The following ERVH48-1 variants were observed in gnomAD, a reference collection of about 807,000 sequenced individuals.
ERVH48-1 encodes endogenous retrovirus group 48 member 1, envelope.
In ERVH48-1, 4 loss-of-function variants were observed where a neutral mutation model predicts 2.4. The ratio of observed to expected loss-of-function variants is 1.68; its 90% confidence interval spans 0.83 to 3.84. The LOEUF (loss-of-function observed/expected upper bound fraction) is 3.84. ERVH48-1 is among the 30% of genes most tolerant of loss of function. The probability of loss-of-function intolerance (pLI) is 0.01; values close to 1 mark genes in which losing one functional copy is unlikely to be tolerated. For synonymous variants in ERVH48-1, 32 were observed against 15.5 expected, an observed-to-expected ratio of 2.06 and a Z score of -2.49; for missense variants, 97 against 43.4, an observed-to-expected ratio of 2.23 and a Z score of -3.47.
Position 42,919,974 on chromosome 21 carries a change from T to C in ERVH48-1, c.-285-683A>G, listed in dbSNP as rs59097732. On this transcript the variant is annotated intron_variant, in intron 1 of 1. Coordinates refer to ENST00000447535, the MANE Select transcript of ERVH48-1 (RefSeq NM_001308491.2). ...GGCCAGAGGGAACCCTGGGGTGACA[T>C]TGAGTGGCAGATAGAGCAGGACTGG... Among the ~76,000 whole-genome samples the C allele has an allele frequency of 2.4e-3, 368 of 152,100 alleles. 1 individual carries two copies. The highest frequency in any genetic ancestry group is 7.9e-3 in the African/African-American group (328 of 41,468).
chr21:42,925,320 G>A, intron 1 of ERVH48-1, 26 bp downstream of exon 1: 1 of 400,792 alleles, frequency 2.5e-6, no homozygotes, highest in Non-Finnish European at 4.6e-6. Flanking sequence ...ATTTTTCCCT[G>A]TTAACCGGGC....
rs117007625 is a variant in ERVH48-1 at position 42,925,566 on chromosome 21, G to C, written c.-506C>G. On this transcript the variant is annotated 5_prime_UTR_variant, in exon 1 of 2. Transcript: ENST00000447535. ...GCCAACAGACAACACGAGGCGGTGT[G>C]GAGCAACACACTGTTTTAATAAGCA... 449 of 262,354 alleles carry C rather than the reference G, an allele frequency of 1.7e-3. 8 individuals are homozygous for C. In the East Asian group the frequency reaches 0.052, roughly 30 times the overall value. 16.3% of individuals were successfully genotyped at this position (262,354 alleles called of 1,614,324 possible). A position where few individuals can be genotyped will look rare whatever the true frequency, so the allele number is the denominator to read the frequency against.
At chr21:42,922,464 G>A (rs2058808648) in intron 1 of ERVH48-1, among the ~76,000 whole-genome samples, 1 of 151,974 alleles carries the variant, frequency 6.6e-6, no homozygotes, top group African/African-American at 2.4e-5. Flanking sequence ...AGGAAGGCCG[G>A]GCGCGGTGGC....
chr21:42,917,557 T>TA lies in ERVH48-1; in HGVS notation c.*966dup, dbSNP rs1367516713. On this transcript the variant is annotated 3_prime_UTR_variant, in exon 2 of 2. Transcript: ENST00000447535. Reference sequence around the variant, plus strand: ...AGACAGCAATTGGAGATGTTAAACTTACCACAGCCCGCACCCTCTTCTGCT... The same window carrying TA: ...AGACAGCAATTGGAGATGTTAAACTTAACCACAGCCCGCACCCTCTTCTGCT... 1 of 152,174 alleles carries TA rather than the reference T, an allele frequency of 6.6e-6. No homozygotes were observed. Among genetic ancestry groups the TA allele is most frequent in the Non-Finnish European group, 1.5e-5 (1 of 68,038 alleles). 9.4% of individuals were successfully genotyped at this position (152,174 alleles called of 1,614,324 possible).
chr21:42,919,741 T>G (rs775408687), intron 1 of ERVH48-1, among the ~76,000 whole-genome samples: 18 of 152,190 alleles, frequency 1.2e-4, no homozygotes, highest in Non-Finnish European at 2.2e-4. Flanking sequence ...GTTGGGAGTC[T>G]GAAACAGGGA....
In ERVH48-1 at chr21:42,920,966, T is replaced by C. The variant is rs374037547; in HGVS notation, c.-285-1675A>G. Among the ~76,000 whole-genome samples, 13 of 152,254 alleles carry C rather than the reference T, an allele frequency of 8.5e-5. No individual in the cohort carries two copies. In the East Asian group the frequency reaches 2.1e-3, roughly 25 times the overall value. On this transcript the variant is annotated intron_variant, in intron 1 of 1. Transcript: ENST00000447535. The stretch of plus-strand genomic sequence containing the variant: ...CTTAGTACGCTGCGGTGAGCTAGCA[T>C]GTCTTTGATGCTATGGGCTGACTAA...
Position 42,919,146 on chromosome 21 carries a change from G to A in ERVH48-1, c.-140C>T. On this transcript the variant is annotated 5_prime_UTR_variant, in exon 2 of 2. Transcript: ENST00000447535. ...TGGAGGAAGAAGCTGCCTTGGGGGTGAGCTTGACCCTGGTGCGATGGATCC... is the reference window on the plus strand; with the variant it reads ...TGGAGGAAGAAGCTGCCTTGGGGGTAAGCTTGACCCTGGTGCGATGGATCC... The A allele has an allele frequency of 9.3e-7, 1 of 1,074,342 alleles. No individual in the cohort carries two copies. The highest frequency in any genetic ancestry group is 1.2e-6 in the Non-Finnish European group (1 of 836,746). The allele number at this position is 1,074,342 out of a possible 1,614,324, so 66.6% of individuals were successfully genotyped here. A position where few individuals can be genotyped will look rare whatever the true frequency, so the allele number is the denominator to read the frequency against.
intron 1 of ERVH48-1, among the ~76,000 whole-genome samples, chr21:42,922,533 G>T (rs2058808841): frequency 6.6e-6 from 1 of 151,966 alleles, no homozygotes; most frequent in South Asian, 2.1e-4. Flanking sequence ...GAGGTCAGGA[G>T]ATCGAGACCA....
chr21:42,924,346 G>A (rs949783157), intron 1 of ERVH48-1, among the ~76,000 whole-genome samples: 2 of 152,118 alleles, frequency 1.3e-5, no homozygotes, highest in Non-Finnish European at 2.9e-5. Context: ...AAAGAAGACG[G>A]TTGAGAGGAA....
intron 1 of ERVH48-1, among the ~76,000 whole-genome samples, chr21:42,925,008 C>T (rs976230199): frequency 1.3e-5 from 2 of 150,942 alleles, no homozygotes; most frequent in African/African-American, 4.9e-5. Context: ...TGCAGTGGCG[C>T]GATCTCTGCT....
Position 42,919,160 on chromosome 21 carries a change from T to G in ERVH48-1, c.-154A>C. 1.1e-6 allele frequency: 1 copy of G among 949,130 alleles called. No homozygotes were observed. The highest frequency in any genetic ancestry group is 1.4e-6 in the Non-Finnish European group (1 of 723,524). The allele number at this position is 949,130 out of a possible 1,614,324, so 58.8% of individuals were successfully genotyped here. A position where few individuals can be genotyped will look rare whatever the true frequency, so the allele number is the denominator to read the frequency against. ...GCCTTGGGGGTGAGCTTGACCCTGG[T>G]GCGATGGATCCAGTTGGGGAGTCCT... On this transcript the variant is annotated 5_prime_UTR_variant, in exon 2 of 2. Transcript: ENST00000447535.
intron 1 of ERVH48-1, among the ~76,000 whole-genome samples, chr21:42,924,475 G>A (rs2058815257): frequency 6.6e-6 from 1 of 152,116 alleles, no homozygotes; most frequent in African/African-American, 2.4e-5. Flanking sequence ...ATTTGAACAG[G>A]TGAGCAAGAG....
chr21:42,921,940 G>A (rs1216214652), intron 1 of ERVH48-1, among the ~76,000 whole-genome samples: 2 of 152,186 alleles, frequency 1.3e-5, no homozygotes, highest in African/African-American at 2.4e-5. Context: ...AAAGTAAAGT[G>A]TATGGGTTAG....
chr21:42,920,622 C>T (rs2058802931), intron 1 of ERVH48-1, among the ~76,000 whole-genome samples: 1 of 151,960 alleles, frequency 6.6e-6, no homozygotes, highest in African/African-American at 2.4e-5. Flanking sequence ...GGAGGTGGTT[C>T]CTAGGGGGAC....
At chr21:42,924,604 C>T (rs1402817149) in intron 1 of ERVH48-1, among the ~76,000 whole-genome samples, 1 of 152,138 alleles carries the variant, frequency 6.6e-6, no homozygotes, top group Admixed American at 6.5e-5. Context: ...TCGTATGTTC[C>T]ATTTGTGGCC....
At chr21:42,921,909 TG>T (rs2058807143) in intron 1 of ERVH48-1, among the ~76,000 whole-genome samples, 1 of 151,626 alleles carries the variant, frequency 6.6e-6, no homozygotes, top group Admixed American at 6.6e-5. Context: ...GAAAAATGGG[TG>T]GTATTGGAGG....
At chr21:42,922,259 TG>T (rs1171576505) in intron 1 of ERVH48-1, among the ~76,000 whole-genome samples, 1 of 151,172 alleles carries the variant, frequency 6.6e-6, no homozygotes, top group Admixed American at 6.6e-5. Context: ...TAACCATGGA[TG>T]GGGGATAAGG....
Position 42,918,626 on chromosome 21 carries a change from G to A in ERVH48-1, c.381C>T (p.Asp127=), listed in dbSNP as rs2058796216. The change falls in exon 2 of 2, where the codon GAC becomes GAT. Residue 127 remains aspartate (D), a synonymous_variant. Coordinates refer to ENST00000447535, the MANE Select transcript of ERVH48-1 (RefSeq NM_001308491.2). ...QWGVNTQVLE[D]IKREQIIAKA... ...TGGCTATAATCTGTTCTCTCTTTAT[G>A]TCCTCAAGCACCTGAGTGTTTACTC... is the stretch of plus-strand genomic sequence containing the variant. 1 of 456,506 alleles carries A rather than the reference G, an allele frequency of 2.2e-6. No homozygotes were observed. The highest frequency in any genetic ancestry group is 4.4e-6 in the Non-Finnish European group (1 of 226,938). 28.3% of individuals were successfully genotyped at this position (456,506 alleles called of 1,614,324 possible).
In ERVH48-1 at chr21:42,917,163, A is replaced by G. The variant is rs531830479; in HGVS notation, c.*1361T>C. 1 of 152,276 alleles carries G rather than the reference A, an allele frequency of 6.6e-6. No homozygotes were observed. Among genetic ancestry groups the G allele is most frequent in the Non-Finnish European group, 1.5e-5 (1 of 68,030 alleles). 9.4% of individuals were successfully genotyped at this position (152,276 alleles called of 1,614,324 possible). On this transcript the variant is annotated 3_prime_UTR_variant, in exon 2 of 2. Transcript: ENST00000447535. The stretch of plus-strand genomic sequence containing the variant: ...AGGGGAAAGGGACGACTTTCTCAAT[A>G]ACTACTTCAGGCGTGACATAGGGGT...
Sources: gnomAD v4.1 joint callset for allele counts (sites outside exome capture counted in the v4.1 genomes callset) on GRCh38, gnomAD v4.1.1 for gene constraint, MANE v1.5 for transcripts, NCBI Gene and HGNC (gene_info 2026-07-23, HGNC 2026-07-21) for gene names.